ADARB2: variants seen among roughly 807,000 people sequenced by gnomAD.
ADARB2 encodes inactive double-stranded RNA-specific editase B2.
A neutral mutation model predicts 62.2 loss-of-function variants in ADARB2; 25 were observed. That is an observed-to-expected ratio of 0.40 (90% CI 0.29 to 0.56). The LOEUF (loss-of-function observed/expected upper bound fraction) is 0.56, where lower values mean the gene tolerates loss of function less well. ADARB2 is among the 20% of genes least tolerant of loss of function. The pLI is 0.43. For synonymous variants in ADARB2, 572 were observed against 500.8 expected (o/e 1.14, Z -1.90); for missense variants, 1,071 against 1,077.4 (o/e 0.99, Z 0.08).
chr10:1,497,017 C>G (rs1831701681), intron 1 of ADARB2, among the ~76,000 whole-genome samples: 1 of 152,132 alleles, frequency 6.6e-6, no homozygotes. Flanking sequence ...GGACCTTAGT[C>G]CAGCCCTGCC....
At chr10:1,439,333 G>GCCCTTCAT (rs1473024845) in intron 1 of ADARB2, among the ~76,000 whole-genome samples, 3 of 141,068 alleles carry the variant, frequency 2.1e-5, no homozygotes, top group Non-Finnish European at 4.6e-5. Context: ...ATGGAGGCAG[G>GCCCTTCAT]CCCTTCATGA....
intron 4 of ADARB2, among the ~76,000 whole-genome samples, chr10:1,267,013 A>G: frequency 6.6e-6 from 1 of 152,270 alleles, no homozygotes; most frequent in Admixed American, 6.5e-5. Flanking sequence ...AGTGTTGCAA[A>G]TTTAACAAAA....
intron 1 of ADARB2, among the ~76,000 whole-genome samples, chr10:1,630,826 G>A (rs878869152): frequency 6.6e-6 from 1 of 152,000 alleles, no homozygotes; most frequent in African/African-American, 2.4e-5. Context: ...GTGGTGGTGG[G>A]CGTCTGTAGT....
intron 1 of ADARB2, among the ~76,000 whole-genome samples, chr10:1,567,462 C>G (rs1386612971): frequency 6.6e-6 from 1 of 152,196 alleles, no homozygotes; most frequent in African/African-American, 2.4e-5. Flanking sequence ...CCCTCCCACT[C>G]TCCCAGGCCA....
intron 8 of ADARB2, among the ~76,000 whole-genome samples, chr10:1,192,328 G>C (rs1185364555): frequency 1.3e-5 from 2 of 152,200 alleles, no homozygotes; most frequent in African/African-American, 4.8e-5. Context: ...AAAGGAATCA[G>C]AGAGATCTCC....
intron 1 of ADARB2, among the ~76,000 whole-genome samples, chr10:1,381,094 T>C (rs557455383): frequency 1.2e-4 from 18 of 152,370 alleles, no homozygotes; most frequent in Non-Finnish European, 8.8e-5. Context: ...AATTGAGTTT[T>C]AGATAAACAA....
chr10:1,191,206 T>C (rs1401475318), intron 8 of ADARB2, among the ~76,000 whole-genome samples: 1 of 152,234 alleles, frequency 6.6e-6, no homozygotes, highest in Admixed American at 6.5e-5. Flanking sequence ...TTTCTTTCCC[T>C]CTGGACCTTC....
At chr10:1,706,710 T>C (rs1442862522) in intron 1 of ADARB2, among the ~76,000 whole-genome samples, 1 of 152,208 alleles carries the variant, frequency 6.6e-6, no homozygotes, top group African/African-American at 2.4e-5. Flanking sequence ...TCTCAGGTAT[T>C]TTTATCTTCT....
At chr10:1,455,832 TTCTG>T (rs766176679) in intron 1 of ADARB2, among the ~76,000 whole-genome samples, 5 of 152,162 alleles carry the variant, frequency 3.3e-5, no homozygotes, top group Non-Finnish European at 5.9e-5. Flanking sequence ...TATTCCCCCC[TTCTG>T]TCTATTTCTC....
chr10:1,660,694 G>T lies in ADARB2; in HGVS notation c.100+76357C>A, dbSNP rs181624849. Among the ~76,000 whole-genome samples, 98 of 152,282 alleles carry T rather than the reference G, an allele frequency of 6.4e-4. 1 individual carries two copies. The highest frequency in any genetic ancestry group is 2.1e-3 in the African/African-American group (88 of 41,570). ...TAGCAGAGTTGGATCCAGTGTCGGG[G>T]TATCCATGGACACCTGCCCATCCCC... On this transcript the variant is annotated intron_variant, in intron 1 of 9. Transcript: ENST00000381312.
intron 1 of ADARB2, among the ~76,000 whole-genome samples, chr10:1,617,133 T>C (rs112401680): frequency 0.11 from 11,816 of 109,648 alleles, 1,052 homozygotes; most frequent in African/African-American, 0.15. Context: ...CACTCTGCAC[T>C]GCCCTGCTGA....
intron 1 of ADARB2, among the ~76,000 whole-genome samples, chr10:1,452,815 G>GAA (rs35340340): frequency 9.9e-5 from 15 of 151,812 alleles, no homozygotes; most frequent in Admixed American, 5.9e-4. Flanking sequence ...AAGAAGACAT[G>GAA]AAAAAAAACC....
intron 1 of ADARB2, among the ~76,000 whole-genome samples, chr10:1,504,670 A>G (rs1831813780): frequency 6.6e-6 from 1 of 152,270 alleles, no homozygotes; most frequent in African/African-American, 2.4e-5. Flanking sequence ...GGGGCAGTCC[A>G]GGACCGTTTC....
In ADARB2 at chr10:1,694,843, A is replaced by G. The variant is rs527274827; in HGVS notation, c.100+42208T>C. 4.6e-5 allele frequency among the ~76,000 whole-genome samples: 7 copies of G among 152,268 alleles called. No individual in the cohort carries two copies. In the South Asian group the frequency reaches 1.2e-3, roughly 27 times the overall value. On this transcript the variant is annotated intron_variant, in intron 1 of 9. Coordinates refer to ENST00000381312, the MANE Select transcript of ADARB2 (RefSeq NM_018702.4). ...GCAGATGTCTGGGAGTGGGGTCTTC[A>G]TGACTCACAGCAAAGGTGAGGCCTG... is the stretch of plus-strand genomic sequence containing the variant.
In ADARB2 at chr10:1,363,744, A is replaced by T; in HGVS notation, c.361T>A (p.Ser121Thr). 3 of 1,608,096 alleles carry T rather than the reference A, an allele frequency of 1.9e-6. No individual in the cohort carries two copies. Among genetic ancestry groups the T allele is most frequent in the Non-Finnish European group, 2.5e-6 (3 of 1,179,424 alleles). ...CKLQLVWKKL[S>T]WSVAPKNALV... ...GCGTTCTTGGGCGCCACCGACCACG[A>T]CAGCTTCTTCCAGACCAGCTGCAGT... Residue 121 changes from serine to threonine, a missense_variant, in exon 3 of 10, where the codon TCG becomes ACG. By Grantham distance (58) the Ser-to-Thr change is moderately conservative. Transcript: ENST00000381312.
intron 1 of ADARB2, among the ~76,000 whole-genome samples, chr10:1,525,857 G>A (rs796205866): frequency 8.5e-5 from 13 of 152,090 alleles, no homozygotes; most frequent in African/African-American, 2.7e-4. Flanking sequence ...GTGTGTGTGC[G>A]CGTGTCTGCG....
At chr10:1,548,619 T>C (rs1269472093) in intron 1 of ADARB2, among the ~76,000 whole-genome samples, 4 of 152,156 alleles carry the variant, frequency 2.6e-5, no homozygotes, top group Non-Finnish European at 1.5e-5. Context: ...GGCAAATGCG[T>C]GGGTTGCAGT....
intron 4 of ADARB2, among the ~76,000 whole-genome samples, chr10:1,244,810 G>A (rs1340563598): frequency 1.3e-5 from 2 of 152,140 alleles, no homozygotes; most frequent in African/African-American, 2.4e-5. Context: ...AGGAGGAGGC[G>A]TCCTAGGCAG....
intron 1 of ADARB2, among the ~76,000 whole-genome samples, chr10:1,656,929 AAAGAT>A (rs1834178456): frequency 1.3e-5 from 2 of 152,236 alleles, no homozygotes; most frequent in South Asian, 4.2e-4. Flanking sequence ...AAATTCCTTC[AAAGAT>A]AAGATACTTT....
Sources: gnomAD v4.1 joint callset for allele counts (sites outside exome capture counted in the v4.1 genomes callset) on GRCh38, gnomAD v4.1.1 for gene constraint, MANE v1.5 for transcripts, NCBI Gene and HGNC (gene_info 2026-07-23, HGNC 2026-07-21) for gene names.